Variants in SLC24A3 observed in about 807,000 individuals in gnomAD.
The protein encoded by SLC24A3 is solute carrier family 24 member 3, also known as sodium/potassium/calcium exchanger 3.
A neutral mutation model predicts 75.8 loss-of-function variants in SLC24A3; 28 were observed. The ratio of observed to expected loss-of-function variants is 0.37; its 90% CI spans 0.27 to 0.51. The LOEUF is 0.51. Among genes scored for constraint, SLC24A3 ranks in the 20% least tolerant of loss-of-function variants. The probability of loss-of-function intolerance (pLI) is 0.94; values close to 1 mark genes in which losing one functional copy is unlikely to be tolerated. For synonymous variants in SLC24A3, 372 were observed against 334.1 expected, an observed-to-expected ratio of 1.11 and a Z score of -1.24; for missense variants, 663 against 847.8, an observed-to-expected ratio of 0.78 and a Z score of 2.71.
At chr20:19,311,006 T>C (rs1159025206) in intron 2 of SLC24A3, among the ~76,000 whole-genome samples, 2 of 152,136 alleles carry the variant, frequency 1.3e-5, no homozygotes, top group African/African-American at 4.8e-5. Flanking sequence ...CTTTCTTCCT[T>C]CCTTGCTTCC....
Position 19,576,840 on chromosome 20 carries a change from A to G in SLC24A3, c.349-3160A>G, listed in dbSNP as rs528153669. On this transcript the variant is annotated intron_variant, in intron 3 of 16. Coordinates refer to ENST00000328041, the MANE Select transcript of SLC24A3 (RefSeq NM_020689.4). ...GAGTTGAATATGTCAGCTATGGAAC[A>G]GCTTATTTAGATCTTGATTAATCTA... is the stretch of plus-strand genomic sequence containing the variant. Among the ~76,000 whole-genome samples the G allele has an allele frequency of 2.6e-5, 4 of 152,314 alleles. No individual in the cohort carries two copies. In the East Asian group the frequency reaches 7.7e-4, roughly 29 times the overall value.
intron 2 of SLC24A3, among the ~76,000 whole-genome samples, chr20:19,390,109 T>G (rs1986341192): frequency 6.6e-6 from 1 of 152,196 alleles, no homozygotes; most frequent in Non-Finnish European, 1.5e-5. Context: ...ACCATTTTGG[T>G]TTTTTGTTTC....
intron 2 of SLC24A3, among the ~76,000 whole-genome samples, chr20:19,284,768 CAG>C (rs1202084820): frequency 1.3e-5 from 2 of 152,212 alleles, no homozygotes; most frequent in East Asian, 3.9e-4. Flanking sequence ...AGACTGGAGA[CAG>C]AGTTACCTCT....
chr20:19,269,275 T>G (rs8122378), intron 1 of SLC24A3, among the ~76,000 whole-genome samples: 19,856 of 152,248 alleles, frequency 0.13, 1,433 homozygotes, highest in Non-Finnish European at 0.16. Context: ...CCTAGATTGA[T>G]CATCATGGTA....
chr20:19,591,364 A>G (rs2031375059), intron 6 of SLC24A3, among the ~76,000 whole-genome samples: 1 of 152,200 alleles, frequency 6.6e-6, no homozygotes, highest in African/African-American at 2.4e-5. Context: ...TTCTTAAATG[A>G]AGGAAATTTA....
chr20:19,223,720 G>A (rs141017361), intron 1 of SLC24A3, among the ~76,000 whole-genome samples: 1 of 152,282 alleles, frequency 6.6e-6, no homozygotes, highest in East Asian at 1.9e-4. Flanking sequence ...CACCCTTCTG[G>A]TGATGATGTG....
intron 2 of SLC24A3, among the ~76,000 whole-genome samples, chr20:19,373,292 T>C (rs1037879137): frequency 1.3e-5 from 2 of 152,198 alleles, no homozygotes; most frequent in African/African-American, 4.8e-5. Flanking sequence ...TCGGAGGCCC[T>C]TCCTTGTCCT....
At chr20:19,501,912 G>A (rs187553929) in intron 2 of SLC24A3, among the ~76,000 whole-genome samples, 140 of 152,188 alleles carry the variant, frequency 9.2e-4, no homozygotes, top group African/African-American at 3.1e-3. Context: ...AGGCCACACC[G>A]TGACTCCAGG....
chr20:19,414,900 G>A (rs1377129050), intron 2 of SLC24A3, among the ~76,000 whole-genome samples: 1 of 152,056 alleles, frequency 6.6e-6, no homozygotes. Context: ...CAATTATAAT[G>A]TTCAACCAAA....
In SLC24A3 at chr20:19,492,826, A is replaced by G. The variant is rs142270533; in HGVS notation, c.272-22662A>G. 2.0e-3 allele frequency among the ~76,000 whole-genome samples: 303 copies of G among 151,428 alleles called. 1 individual carries two copies. Among genetic ancestry groups the G allele is most frequent in the African/African-American group, 7.0e-3 (290 of 41,204 alleles). ...TAACATTTACAAAGTTTGTTCTCGTATGGCCTGTCCTCATCTACACATCCC... is the reference window on the plus strand; with the variant it reads ...TAACATTTACAAAGTTTGTTCTCGTGTGGCCTGTCCTCATCTACACATCCC... On this transcript the variant is annotated intron_variant, in intron 2 of 16. Transcript: ENST00000328041.
intron 1 of SLC24A3, among the ~76,000 whole-genome samples, chr20:19,228,644 C>CA (rs974718754): frequency 7.5e-4 from 97 of 128,658 alleles, no homozygotes; most frequent in South Asian, 1.5e-3. Context: ...GACTCCGTCT[C>CA]AAAAAAAAAA....
intron 7 of SLC24A3, among the ~76,000 whole-genome samples, chr20:19,662,247 G>A (rs994824878): frequency 3.9e-5 from 6 of 152,158 alleles, no homozygotes; most frequent in African/African-American, 1.4e-4. Flanking sequence ...ACAGAGAGAA[G>A]AACGCTTACC....
chr20:19,356,942 G>C (rs1271227969), intron 2 of SLC24A3, among the ~76,000 whole-genome samples: 1 of 152,004 alleles, frequency 6.6e-6, no homozygotes, highest in Non-Finnish European at 1.5e-5. Context: ...CCTGGTTACT[G>C]GTTATAATAA....
At chr20:19,345,870 A>G (rs1002115733) in intron 2 of SLC24A3, among the ~76,000 whole-genome samples, 1 of 151,690 alleles carries the variant, frequency 6.6e-6, no homozygotes, top group African/African-American at 2.4e-5. Flanking sequence ...ACTATGGAAA[A>G]CAGTGTGGAG....
intron 7 of SLC24A3, among the ~76,000 whole-genome samples, chr20:19,657,740 C>T (rs2032281426): frequency 6.6e-6 from 1 of 152,106 alleles, no homozygotes; most frequent in African/African-American, 2.4e-5. Context: ...ACAATGTCTC[C>T]ATATCTATTC....
intron 8 of SLC24A3, among the ~76,000 whole-genome samples, chr20:19,667,706 T>C (rs970978385): frequency 2.0e-5 from 3 of 152,184 alleles, no homozygotes; most frequent in Non-Finnish European, 2.9e-5. Context: ...ATGAAAGCCA[T>C]GGCAAGTGAA....
At position 19,556,882 on chromosome 20, in the gene SLC24A3, T is replaced by G. The variant is rs558023447; in HGVS notation, c.349-23118T>G. The stretch of plus-strand genomic sequence containing the variant: ...TGTGGAAGCTGAATATTCCTTACAC[T>G]TCTCAAAACAAAACCCATTTTTTTA... On this transcript the variant is annotated intron_variant, in intron 3 of 16. Transcript: ENST00000328041. Among the ~76,000 whole-genome samples, 4 of 152,302 alleles carry G rather than the reference T, an allele frequency of 2.6e-5. No individual in the cohort carries two copies. The East Asian group carries it at 5.8e-4, about 22-fold the overall frequency.
intron 2 of SLC24A3, among the ~76,000 whole-genome samples, chr20:19,371,579 A>G (rs1985993339): frequency 6.6e-6 from 1 of 152,162 alleles, no homozygotes; most frequent in South Asian, 2.1e-4. Flanking sequence ...GGTTCCTACC[A>G]TTGGTAATAA....
At position 19,633,648 on chromosome 20, in the gene SLC24A3, CAA is replaced by C. The variant is rs61251598; in HGVS notation, c.613-20393_613-20392del. On this transcript the variant is annotated intron_variant, in intron 6 of 16. Coordinates refer to ENST00000328041, the MANE Select transcript of SLC24A3 (RefSeq NM_020689.4). ...TGGGCGACAGAGCGAGACTCCGTCT[CAA>C]AAAAAAAAAAAAAAAAAAAAGAATG... Among the ~76,000 whole-genome samples the C allele has an allele frequency of 2.2e-4, 19 of 85,094 alleles. No homozygotes were observed. In the East Asian group the frequency reaches 2.6e-3, roughly 12 times the overall value. The allele number at this position is 85,094 out of a possible 152,430, so 55.8% of individuals were successfully genotyped here. A position where few individuals can be genotyped will look rare whatever the true frequency, so the allele number is the denominator to read the frequency against.
Sources: gnomAD v4.1 joint callset for allele counts (sites outside exome capture counted in the v4.1 genomes callset) on GRCh38, gnomAD v4.1.1 for gene constraint, MANE v1.5 for transcripts, NCBI Gene and HGNC (gene_info 2026-07-23, HGNC 2026-07-21) for gene names.